GABRB3: variants seen among roughly 807,000 people sequenced by gnomAD.
The protein encoded by GABRB3 is gamma-aminobutyric acid receptor subunit beta-3.
GABRB3 carries 14 observed loss-of-function variants against 52.1 expected under a neutral mutation model. The observed-to-expected ratio is 0.27, with a 90% CI of 0.18 to 0.42. The LOEUF is 0.42. GABRB3 is among the 10% of genes least tolerant of loss of function. GABRB3 has a pLI of 1.00. For synonymous variants in GABRB3, 260 were observed against 232.3 expected (o/e 1.12, Z -1.08); for missense variants, 307 against 609.1 (o/e 0.50, Z 5.22).
At chr15:26,624,239 G>A (rs1892596890) in intron 3 of GABRB3, 10 of 985,726 alleles carry the variant, frequency 1.0e-5, no homozygotes, top group Non-Finnish European at 1.2e-5. Context: ...CGCTGGAACT[G>A]AGGCGTGCAA....
At chr15:26,766,880 G>A (rs1228782389) in intron 3 of GABRB3, among the ~76,000 whole-genome samples, 6 of 152,168 alleles carry the variant, frequency 3.9e-5, no homozygotes, top group Non-Finnish European at 7.3e-5. Context: ...ATGCATGTAA[G>A]ATCCATTTTT....
chr15:26,683,675 C>A (rs184366031), intron 3 of GABRB3, among the ~76,000 whole-genome samples: 1 of 152,144 alleles, frequency 6.6e-6, no homozygotes, highest in Non-Finnish European at 1.5e-5. Flanking sequence ...GAGTTTAGAC[C>A]TGAAAAACGC....
chr15:26,583,700 T>A (rs1890870453), intron 4 of GABRB3, among the ~76,000 whole-genome samples: 1 of 152,032 alleles, frequency 6.6e-6, no homozygotes. Flanking sequence ...ATTTGTAATA[T>A]ACAGCATGAT....
chr15:26,554,192 T>TATATATATATATATATA (rs1889658263), intron 8 of GABRB3, among the ~76,000 whole-genome samples: 1 of 2,972 alleles, frequency 3.4e-4, no homozygotes, highest in East Asian at 1.2e-3. Context: ...ATATATATAC[T>TATATATATATATATATA]ATATATATAT....
chr15:26,755,268 G>A (rs1409313157), intron 3 of GABRB3, among the ~76,000 whole-genome samples: 1 of 152,038 alleles, frequency 6.6e-6, no homozygotes, highest in African/African-American at 2.4e-5. Flanking sequence ...GCCTCCCAAA[G>A]TGCTGGGATT....
chr15:26,732,960 T>C (rs1889972258), intron 3 of GABRB3, among the ~76,000 whole-genome samples: 1 of 151,252 alleles, frequency 6.6e-6, no homozygotes, highest in African/African-American at 2.4e-5. Context: ...ATTGTGCCAC[T>C]GCACTCCAGC....
chr15:26,728,885 G>A (rs1863456), intron 3 of GABRB3, among the ~76,000 whole-genome samples: 64,783 of 151,990 alleles, frequency 0.43, 16,210 homozygotes, highest in Admixed American at 0.59. Flanking sequence ...AATGCATATG[G>A]TTACATAAAT....
intron 3 of GABRB3, among the ~76,000 whole-genome samples, chr15:26,698,168 C>T (rs1324527251): frequency 6.6e-6 from 1 of 152,176 alleles, no homozygotes; most frequent in Admixed American, 6.5e-5. Flanking sequence ...ACTGATTATA[C>T]CCCAGGAGGA....
intron 3 of GABRB3, among the ~76,000 whole-genome samples, chr15:26,694,232 A>G (rs1888669612): frequency 6.6e-6 from 1 of 152,232 alleles, no homozygotes; most frequent in Non-Finnish European, 1.5e-5. Context: ...AAAGTACCTG[A>G]TTCCAGACAA....
At chr15:26,718,284 C>T (rs1324409458) in intron 3 of GABRB3, among the ~76,000 whole-genome samples, 1 of 152,286 alleles carries the variant, frequency 6.6e-6, no homozygotes, top group African/African-American at 2.4e-5. Context: ...TCTCGGCTCA[C>T]CGCAACCTCC....
chr15:26,689,939 C>T (rs771477528), intron 3 of GABRB3, among the ~76,000 whole-genome samples: 3 of 152,090 alleles, frequency 2.0e-5, no homozygotes, highest in Non-Finnish European at 2.9e-5. Flanking sequence ...CTAGGGTGCC[C>T]TCGGCCAAGA....
At chr15:26,713,246 G>A (rs1326001170) in intron 3 of GABRB3, among the ~76,000 whole-genome samples, 1 of 152,208 alleles carries the variant, frequency 6.6e-6, no homozygotes, top group African/African-American at 2.4e-5. Flanking sequence ...TGTAGGGGAA[G>A]GGCAGTGGTA....
At chr15:26,614,472 A>G (rs1892186233) in intron 4 of GABRB3, 1 of 152,210 alleles carries the variant, frequency 6.6e-6, no homozygotes. Context: ...CAGGCATCAC[A>G]ATCCTAAAGC....
At chr15:26,627,432 C>T (rs963678666) in intron 3 of GABRB3, among the ~76,000 whole-genome samples, 18 of 131,924 alleles carry the variant, frequency 1.4e-4, no homozygotes, top group African/African-American at 3.4e-4. Flanking sequence ...ATTATTTTTA[C>T]GGATCTGGGC....
At chr15:26,638,526 C>T (rs934895487) in intron 3 of GABRB3, among the ~76,000 whole-genome samples, 4 of 152,190 alleles carry the variant, frequency 2.6e-5, no homozygotes, top group African/African-American at 7.2e-5. Context: ...GGCTGAAGGC[C>T]GGAGACCCCT....
rs372967406 is a variant in GABRB3, at chr15:26,770,175, A to G, written c.240+2227T>C. On this transcript the variant is annotated intron_variant, in intron 3 of 8. Coordinates refer to ENST00000311550, the MANE Select transcript of GABRB3 (RefSeq NM_000814.6). ...ATTTTTCTAAAACATGACGTGACCA[A>G]TCTGCTTGTGGGAGGAAGACATTTT... Among the ~76,000 whole-genome samples, 13 of 152,302 alleles carry G rather than the reference A, an allele frequency of 8.5e-5. No individual in the cohort carries two copies. The East Asian group carries it at 1.9e-3, about 23-fold the overall frequency.
chr15:26,635,355 A>G (rs1893030153), intron 3 of GABRB3, among the ~76,000 whole-genome samples: 1 of 152,074 alleles, frequency 6.6e-6, no homozygotes, highest in African/African-American at 2.4e-5. Context: ...CCCTGCTTAA[A>G]CATAGCTCCT....
chr15:26,549,809 G>A (rs540589854), intron 8 of GABRB3, among the ~76,000 whole-genome samples: 32 of 152,104 alleles, frequency 2.1e-4, no homozygotes, highest in Non-Finnish European at 3.4e-4. Flanking sequence ...ATCAGAACAC[G>A]CCTCATTACC....
rs1337120974 is a variant in GABRB3, at chr15:26,618,358, G to A, written c.461+2956C>T. Reference sequence around the variant, plus strand: ...ACAGAACAGAGCCCTCAGAAATAACGCCACATATCTACAACTATCTGATCT... The same window carrying A: ...ACAGAACAGAGCCCTCAGAAATAACACCACATATCTACAACTATCTGATCT... On this transcript the variant is annotated intron_variant, in intron 4 of 8. Transcript: ENST00000311550. Among the ~76,000 whole-genome samples the A allele has an allele frequency of 3.8e-3, 570 of 151,656 alleles. 1 individual carries two copies. The highest frequency in any genetic ancestry group is 0.013 in the African/African-American group (538 of 41,304).
Sources: gnomAD v4.1 joint callset for allele counts (sites outside exome capture counted in the v4.1 genomes callset) on GRCh38, gnomAD v4.1.1 for gene constraint, MANE v1.5 for transcripts, NCBI Gene and HGNC (gene_info 2026-07-23, HGNC 2026-07-21) for gene names.